Variants in NEDD4 observed in about 807,000 individuals in gnomAD.
The protein encoded by NEDD4 is E3 ubiquitin-protein ligase NEDD4.
In NEDD4, 99 loss-of-function variants were observed where a neutral mutation model predicts 144.9. The observed-to-expected ratio is 0.68, with a 90% CI of 0.58 to 0.81. The LOEUF (loss-of-function observed/expected upper bound fraction) is 0.81, where lower values mean the gene tolerates loss of function less well. Ranked by LOEUF, NEDD4 falls within the 30% of genes least tolerant of loss-of-function variation. NEDD4 has a pLI of 0.00. For missense variants in NEDD4, 985 were observed against 1,065.9 expected, an observed-to-expected ratio of 0.92 and a Z score of 1.06; for synonymous variants, 318 against 350.6, an observed-to-expected ratio of 0.91 and a Z score of 1.04.
rs1229895007 is a variant in NEDD4, at chr15:55,873,962, A to G, written c.338T>C (p.Leu113Ser). The change falls in exon 6 of 29, where the codon TTA (leucine) becomes TCA (serine). Residue 113 changes from leucine to serine, a missense_variant. Transcript: ENST00000435532. ...LGQVDVPLYP[L>S]PTENPRLERP... ...ATCATGGACACCTATACCAACCGGT[A>G]ATGGATAAAGTGGAACATCCACTTG... 6.5e-7 allele frequency: 1 copy of G among 1,542,508 alleles called. No individual in the cohort carries two copies. Among genetic ancestry groups the G allele is most frequent in the African/African-American group, 1.4e-5 (1 of 73,156 alleles).
intron 12 of NEDD4, among the ~76,000 whole-genome samples, chr15:55,853,104 C>G (rs1381855541): frequency 6.6e-6 from 1 of 152,122 alleles, no homozygotes. Context: ...CACATCCCTT[C>G]TTCACTACTT....
chr15:55,901,028 C>T (rs1253587513), intron 5 of NEDD4, among the ~76,000 whole-genome samples: 1 of 151,946 alleles, frequency 6.6e-6, no homozygotes, highest in African/African-American at 2.4e-5. Context: ...AAAAAGAATG[C>T]TATTAGCGAA....
At chr15:55,915,461 A>AAT in intron 5 of NEDD4, 1 of 1,613,760 alleles carries the variant, frequency 6.2e-7, no homozygotes, top group Non-Finnish European at 8.5e-7. Context: ...CTCCCAATGA[A>AAT]ATACTTCTTC....
intron 1 of NEDD4, among the ~76,000 whole-genome samples, chr15:55,980,731 C>T (rs549667408): frequency 8.5e-5 from 13 of 152,216 alleles, no homozygotes; most frequent in Middle Eastern, 3.4e-3. Context: ...TAGCAAGAGG[C>T]TGTCTTCAAC....
chr15:55,830,484 T>C (rs1207674776), intron 28 of NEDD4, 30 bp downstream of exon 28: 1 of 1,594,618 alleles, frequency 6.3e-7, no homozygotes, highest in Non-Finnish European at 8.6e-7. Context: ...TCTGAGGCTT[T>C]GTTCTATCAA....
chr15:55,904,924 C>A (rs2036036959), intron 5 of NEDD4, among the ~76,000 whole-genome samples: 7 of 151,692 alleles, frequency 4.6e-5, no homozygotes, highest in Admixed American at 4.6e-4. Flanking sequence ...GAAACCCCGT[C>A]TCTACTAAAA....
At chr15:55,875,049 T>C (rs190254533) in intron 5 of NEDD4, among the ~76,000 whole-genome samples, 162 of 151,782 alleles carry the variant, frequency 1.1e-3, no homozygotes, top group African/African-American at 3.8e-3. Context: ...AGTTACTATA[T>C]TCATTGTCCA....
In NEDD4 at chr15:55,993,603, A is replaced by T. The variant is rs1315196990; in HGVS notation, c.-48T>A. On this transcript the variant is annotated 5_prime_UTR_variant, in exon 1 of 29. Transcript: ENST00000435532. ...GGACGCGCTCGCCCCCGCCCAGGGC[A>T]GGCAACTGTGGAGGAGGAGGAGGAG... 6.3e-7 allele frequency: 1 copy of T among 1,581,962 alleles called. No homozygotes were observed.
At chr15:55,840,042 A>ATATATATATATAT (rs762826342) in intron 21 of NEDD4, among the ~76,000 whole-genome samples, 1 of 100,686 alleles carries the variant, frequency 9.9e-6, no homozygotes, top group Non-Finnish European at 2.1e-5. Flanking sequence ...ATATATATAT[A>ATATATATATATAT]ACATTCATCA....
At chr15:55,899,818 A>C (rs1336616185) in intron 5 of NEDD4, among the ~76,000 whole-genome samples, 1 of 152,242 alleles carries the variant, frequency 6.6e-6, no homozygotes, top group Non-Finnish European at 1.5e-5. Flanking sequence ...GGAGCACAGG[A>C]AATGTGTCTA....
chr15:55,906,827 G>A (rs951729012), intron 5 of NEDD4, among the ~76,000 whole-genome samples: 5 of 152,176 alleles, frequency 3.3e-5, no homozygotes, highest in Admixed American at 3.3e-4. Context: ...TGGGCGCAGT[G>A]GCTCACGCCC....
At chr15:55,903,630 C>T (rs2035983153) in intron 5 of NEDD4, among the ~76,000 whole-genome samples, 1 of 151,306 alleles carries the variant, frequency 6.6e-6, no homozygotes, top group Non-Finnish European at 1.5e-5. Flanking sequence ...CGAGACCATC[C>T]TAGCTAAACA....
chr15:55,924,268 C>T (rs2036622416), intron 5 of NEDD4: 1 of 181,550 alleles, frequency 5.5e-6, no homozygotes, highest in South Asian at 1.4e-4. Context: ...AGAAAGGCCA[C>T]TGTAGTGAGG....
intron 5 of NEDD4, among the ~76,000 whole-genome samples, chr15:55,911,612 C>T (rs2036277067): frequency 6.6e-6 from 1 of 151,864 alleles, no homozygotes; most frequent in Admixed American, 6.6e-5. Context: ...TCACTGCAAG[C>T]TCTGCCTCCC....
chr15:55,838,494 T>G lies in NEDD4; in HGVS notation c.2127+15A>C. The G allele has an allele frequency of 6.3e-7, 1 of 1,575,654 alleles. No individual in the cohort carries two copies. The highest frequency in any genetic ancestry group is 8.7e-7 in the Non-Finnish European group (1 of 1,146,400). ...ACAATTTATGTGCCATTTTAACTGATCAAAATTCACAAACCTGTCCAAAAA... is the reference window on the plus strand; with the variant it reads ...ACAATTTATGTGCCATTTTAACTGAGCAAAATTCACAAACCTGTCCAAAAA... On this transcript the variant is annotated intron_variant, in intron 22 of 28. Transcript: ENST00000435532.
At chr15:55,924,903 A>T (rs2036634428) in intron 4 of NEDD4, among the ~76,000 whole-genome samples, 1 of 152,148 alleles carries the variant, frequency 6.6e-6, no homozygotes, top group African/African-American at 2.4e-5. Context: ...CCTCGTCTCT[A>T]CTAAAAATAC....
At chr15:55,910,520 A>G (rs1460853463) in intron 5 of NEDD4, among the ~76,000 whole-genome samples, 3 of 151,730 alleles carry the variant, frequency 2.0e-5, no homozygotes, top group African/African-American at 7.3e-5. Context: ...GCCTCACCAA[A>G]GTTGGTGGTC....
intron 12 of NEDD4, among the ~76,000 whole-genome samples, chr15:55,854,491 G>A (rs1259636097): frequency 6.6e-6 from 1 of 152,150 alleles, no homozygotes; most frequent in African/African-American, 2.4e-5. Context: ...GTGAAAAACA[G>A]CATGCTAAGT....
At chr15:55,916,038 G>A (rs1167129148) in intron 5 of NEDD4, 3 of 1,613,918 alleles carry the variant, frequency 1.9e-6, no homozygotes, top group South Asian at 1.1e-5. Context: ...AATGACTAAG[G>A]AGGAGTAACG....
Sources: gnomAD v4.1 joint callset for allele counts (sites outside exome capture counted in the v4.1 genomes callset) on GRCh38, gnomAD v4.1.1 for gene constraint, MANE v1.5 for transcripts, NCBI Gene and HGNC (gene_info 2026-07-23, HGNC 2026-07-21) for gene names.